ADAM12: variants seen among roughly 807,000 people sequenced by gnomAD.
The protein encoded by ADAM12 is ADAM metallopeptidase domain 12.
In ADAM12, 70 loss-of-function variants were observed where a neutral mutation model predicts 106.4. The observed-to-expected ratio is 0.66, with a 90% confidence interval of 0.54 to 0.80. The LOEUF (loss-of-function observed/expected upper bound fraction) is 0.80, where lower values mean the gene tolerates loss of function less well. ADAM12 is among the 30% of genes least tolerant of loss of function. The probability of loss-of-function intolerance (pLI) is 0.00; values close to 1 mark genes in which losing one functional copy is unlikely to be tolerated. For missense variants in ADAM12, 1,010 were observed against 1,171.9 expected (o/e 0.86, Z 2.02); for synonymous variants, 420 against 433.5 (o/e 0.97, Z 0.39).
chr10:126,208,275 CA>C (rs1957833726), intron 3 of ADAM12, among the ~76,000 whole-genome samples: 1 of 152,204 alleles, frequency 6.6e-6, no homozygotes, highest in Non-Finnish European at 1.5e-5. Context: ...TTGTCACAAT[CA>C]GGGGAGCAGA....
intron 1 of ADAM12, among the ~76,000 whole-genome samples, chr10:126,355,985 C>T (rs1417906163): frequency 2.0e-5 from 3 of 152,100 alleles, no homozygotes; most frequent in African/African-American, 7.2e-5. Flanking sequence ...GAAGGCTCCA[C>T]CTGGGGAGAG....
intron 3 of ADAM12, among the ~76,000 whole-genome samples, chr10:126,228,886 A>G (rs1269438789): frequency 6.6e-6 from 1 of 152,246 alleles, no homozygotes; most frequent in Admixed American, 6.5e-5. Context: ...AAATCCAGTG[A>G]TTAAATGCAG....
At chr10:126,191,968 G>C (rs553979058) in intron 3 of ADAM12, among the ~76,000 whole-genome samples, 9 of 152,302 alleles carry the variant, frequency 5.9e-5, no homozygotes, top group African/African-American at 2.2e-4. Flanking sequence ...GGATGAGGAA[G>C]AGAGAGAATG....
intron 3 of ADAM12, among the ~76,000 whole-genome samples, chr10:126,221,389 C>CAAA (rs35766891): frequency 0.015 from 1,485 of 100,600 alleles, 50 homozygotes; most frequent in East Asian, 0.12. Context: ...GACTCTGTCT[C>CAAA]AAAAAAAAAA....
At chr10:126,089,212 AT>A (rs1416345261) in intron 11 of ADAM12, among the ~76,000 whole-genome samples, 16 of 152,332 alleles carry the variant, frequency 1.1e-4, no homozygotes, top group African/African-American at 3.8e-4. Context: ...GAAAATGTGA[AT>A]GTGCTCCTTG....
intron 11 of ADAM12, among the ~76,000 whole-genome samples, chr10:126,086,207 A>G (rs1006061): frequency 0.1 from 15,819 of 152,138 alleles, 1,146 homozygotes; most frequent in African/African-American, 0.2. Context: ...GCACAGGGAC[A>G]TGGCTCTGTA....
At chr10:126,296,805 T>C (rs1202405323) in intron 2 of ADAM12, among the ~76,000 whole-genome samples, 1 of 152,244 alleles carries the variant, frequency 6.6e-6, no homozygotes, top group Non-Finnish European at 1.5e-5. Context: ...GGTTTCCCTA[T>C]CGGGGATCTG....
intron 2 of ADAM12, among the ~76,000 whole-genome samples, chr10:126,295,558 C>CACACAT (rs1161583960): frequency 6.6e-6 from 1 of 151,912 alleles, no homozygotes; most frequent in Non-Finnish European, 1.5e-5. Flanking sequence ...TACACACACA[C>CACACAT]ACACACACAC....
intron 1 of ADAM12, among the ~76,000 whole-genome samples, chr10:126,335,863 A>G (rs2133860020): frequency 6.6e-6 from 1 of 152,258 alleles, no homozygotes; most frequent in East Asian, 1.9e-4. Flanking sequence ...TCCATCTGTG[A>G]TCTTCCACTT....
At chr10:126,358,151 C>T (rs983008881) in intron 1 of ADAM12, among the ~76,000 whole-genome samples, 3 of 149,340 alleles carry the variant, frequency 2.0e-5, no homozygotes, top group Admixed American at 1.3e-4. Context: ...TGCACTCCAG[C>T]CTGGGTGACC....
In ADAM12 at chr10:126,320,903, G is replaced by A. The variant is rs1295240829; in HGVS notation, c.186+9509C>T. 2.0e-5 allele frequency among the ~76,000 whole-genome samples: 3 copies of A among 152,318 alleles called. No homozygotes were observed. In the East Asian group the frequency reaches 5.8e-4, roughly 29 times the overall value. ...GCAGTATATAAAAATTCTCTGTAAT[G>A]TCTTTGCAATTTTTCAATAAATCCA... On this transcript the variant is annotated intron_variant, in intron 2 of 22. Coordinates refer to ENST00000448723, the MANE Select transcript of ADAM12 (RefSeq NM_001288973.2).
chr10:126,152,922 T>C (rs1216235539), intron 4 of ADAM12, among the ~76,000 whole-genome samples: 1 of 152,198 alleles, frequency 6.6e-6, no homozygotes, highest in East Asian at 1.9e-4. Context: ...TTTAAATCTA[T>C]TAGCTCATCT....
intron 3 of ADAM12, among the ~76,000 whole-genome samples, chr10:126,249,649 A>C (rs1958706638): frequency 1.3e-5 from 2 of 152,192 alleles, no homozygotes; most frequent in African/African-American, 4.8e-5. Context: ...GCTTGCAGTG[A>C]GCCGAGATCA....
chr10:126,212,871 C>T (rs979807848), intron 3 of ADAM12, among the ~76,000 whole-genome samples: 2 of 152,196 alleles, frequency 1.3e-5, no homozygotes, highest in South Asian at 4.1e-4. Context: ...TGTGTATTCT[C>T]TCTCATGCAG....
intron 4 of ADAM12, among the ~76,000 whole-genome samples, chr10:126,138,100 T>C (rs1956439502): frequency 6.6e-6 from 1 of 152,248 alleles, no homozygotes; most frequent in African/African-American, 2.4e-5. Context: ...TCCTAGTGGA[T>C]ATAAAGTGGT....
chr10:126,307,335 T>C (rs1449207439), intron 2 of ADAM12, among the ~76,000 whole-genome samples: 2 of 152,166 alleles, frequency 1.3e-5, no homozygotes, highest in Non-Finnish European at 2.9e-5. Context: ...TCTGTTTTTT[T>C]CTCTTGTCAG....
chr10:126,031,087 CTG>C (rs1271209072), intron 21 of ADAM12, among the ~76,000 whole-genome samples: 1 of 152,034 alleles, frequency 6.6e-6, no homozygotes, highest in Non-Finnish European at 1.5e-5. Context: ...GGAGGGAGGA[CTG>C]TGGAGAGGTC....
At chr10:126,371,504 G>A (rs949383274) in intron 1 of ADAM12, among the ~76,000 whole-genome samples, 2 of 152,122 alleles carry the variant, frequency 1.3e-5, no homozygotes, top group South Asian at 2.1e-4. Context: ...ATTCACTTAC[G>A]TTTTGCTGTA....
At chr10:126,027,927 C>T (rs1412345283) in intron 21 of ADAM12, among the ~76,000 whole-genome samples, 9 of 152,122 alleles carry the variant, frequency 5.9e-5, no homozygotes, top group African/African-American at 1.4e-4. Context: ...TTGCAGATGA[C>T]GTGATCCTAT....
Sources: allele counts gnomAD v4.1 joint callset (sites outside exome capture counted in the v4.1 genomes callset), GRCh38; gene constraint gnomAD v4.1.1; transcripts MANE v1.5; gene names NCBI Gene and HGNC (gene_info 2026-07-23, HGNC 2026-07-21).